TMPO: variants seen among roughly 807,000 people sequenced by gnomAD.
The protein encoded by TMPO is LEM domain containing 4.
A neutral mutation model predicts 45.4 loss-of-function variants in TMPO; 22 were observed. The ratio of observed to expected loss-of-function variants is 0.48; its 90% CI spans 0.35 to 0.69. The LOEUF is 0.69. Among genes scored for constraint, TMPO ranks in the 30% least tolerant of loss-of-function variants. TMPO has a pLI of 0.01. For synonymous variants in TMPO, 241 were observed against 204.1 expected, an observed-to-expected ratio of 1.18 and a Z score of -1.54; for missense variants, 512 against 548.8, an observed-to-expected ratio of 0.93 and a Z score of 0.67.
At position 98,519,891 on chromosome 12, in the gene TMPO, T is replaced by A. The variant is rs991691845; in HGVS notation, c.279+3745T>A. 9.8e-5 allele frequency among the ~76,000 whole-genome samples: 15 copies of A among 152,340 alleles called. 1 individual carries two copies. The highest frequency in any genetic ancestry group is 3.4e-3 in the Middle Eastern group (1 of 294). On this transcript the variant is annotated intron_variant, in intron 1 of 8. Transcript: ENST00000556029. Reference sequence around the variant, plus strand: ...CCTCTTATATGTACTATATTTTACGTTTTGGTCATTTTTAGCCCCATATAA... The same window carrying A: ...CCTCTTATATGTACTATATTTTACGATTTGGTCATTTTTAGCCCCATATAA...
At chr12:98,538,207 T>G (rs1385271828) in intron 4 of TMPO, among the ~76,000 whole-genome samples, 1 of 152,242 alleles carries the variant, frequency 6.6e-6, no homozygotes, top group Non-Finnish European at 1.5e-5. Context: ...TAGTATTGTT[T>G]ACAGAGAACA....
At chr12:98,532,741 C>T in intron 3 of TMPO, 1 of 1,605,526 alleles carries the variant, frequency 6.2e-7, no homozygotes, top group Non-Finnish European at 8.5e-7. Flanking sequence ...TTTGACAGCA[C>T]TATTTTTAGC....
At chr12:98,533,476 A>G in intron 3 of TMPO, 1 of 1,614,184 alleles carries the variant, frequency 6.2e-7, no homozygotes, top group Non-Finnish European at 8.5e-7. Context: ...GGATGTAGAA[A>G]ACATACAGAA....
At chr12:98,535,203 A>G in intron 3 of TMPO, 22 of 984,626 alleles carry the variant, frequency 2.2e-5, no homozygotes, top group Non-Finnish European at 2.7e-5. Flanking sequence ...TTAAAAAATA[A>G]TACTTTGCTT....
At position 98,515,824 on chromosome 12, in the gene TMPO, G is replaced by T; in HGVS notation, c.-44G>T. On this transcript the variant is annotated 5_prime_UTR_variant, in exon 1 of 9. Transcript: ENST00000556029. ...AGGAGCAAGCGCGCCGGCGTGAGCG[G>T]CGGCGGCAAAGGCTGTGGGGAGGGG... The T allele has an allele frequency of 6.3e-7, 1 of 1,583,586 alleles. No individual in the cohort carries two copies. Among genetic ancestry groups the T allele is most frequent in the Non-Finnish European group, 8.6e-7 (1 of 1,166,422 alleles).
At chr12:98,530,654 A>G (rs188153210) in intron 2 of TMPO, among the ~76,000 whole-genome samples, 207 of 152,370 alleles carry the variant, frequency 1.4e-3, no homozygotes, top group African/African-American at 1.3e-3. Context: ...TTTTAACTGC[A>G]AAGTTGTTAT....
At position 98,515,644 on chromosome 12, in the gene TMPO, T is replaced by C. The variant is rs1875716931; in HGVS notation, c.-224T>C. 1 of 857,160 alleles carries C rather than the reference T, an allele frequency of 1.2e-6. No homozygotes were observed. The highest frequency in any genetic ancestry group is 1.8e-6 in the Non-Finnish European group (1 of 567,496). The allele number at this position is 857,160 out of a possible 1,614,324, so 53.1% of individuals were successfully genotyped here. On this transcript the variant is annotated 5_prime_UTR_variant, in exon 1 of 9. Transcript: ENST00000556029. ...TGTGTGGGCTGGGGTTGGTGCGAGCTTCCAGCTTGGCCGCAGTTGGTTCGT... is the reference window on the plus strand; with the variant it reads ...TGTGTGGGCTGGGGTTGGTGCGAGCCTCCAGCTTGGCCGCAGTTGGTTCGT...
intron 7 of TMPO, 95 bp from the exon 8 acceptor site, chr12:98,546,264 A>T (rs1878220693): frequency 1.2e-6 from 1 of 854,198 alleles, no homozygotes; most frequent in Admixed American, 1.7e-5. Context: ...ATTTAAAGGC[A>T]TTTTGTTCTC....
chr12:98,524,664 A>G (rs1876630015), intron 1 of TMPO, among the ~76,000 whole-genome samples: 1 of 151,684 alleles, frequency 6.6e-6, no homozygotes, highest in Non-Finnish European at 1.5e-5. Flanking sequence ...CATGATGTCG[A>G]CTCACTGCAA....
chr12:98,538,497 C>G (rs905346833), intron 4 of TMPO, among the ~76,000 whole-genome samples: 4 of 152,116 alleles, frequency 2.6e-5, no homozygotes, highest in Admixed American at 2.6e-4. Flanking sequence ...GGATTACAGG[C>G]ACATGCCACC....
chr12:98,528,120 A>G (rs1331965805), intron 2 of TMPO, 108 bp downstream of exon 2: 2 of 1,288,814 alleles, frequency 1.6e-6, no homozygotes, highest in African/African-American at 2.9e-5. Context: ...GTTTGTCATT[A>G]ATCATTTGTT....
Position 98,549,442 on chromosome 12 carries a change from G to A in TMPO, c.*1584G>A, listed in dbSNP as rs143292209. ...TTCCCAAAGTGCTGGGATTACAGGT[G>A]TGATCCACTGCACCCGGCCGGCATT... On this transcript the variant is annotated 3_prime_UTR_variant, in exon 9 of 9. Coordinates refer to ENST00000556029, the MANE Select transcript of TMPO (RefSeq NM_001032283.3). 2.0e-4 allele frequency: 22 copies of A among 111,960 alleles called. 1 individual carries two copies. In the East Asian group the frequency reaches 6.8e-3, roughly 34 times the overall value. 6.9% of individuals were successfully genotyped at this position (111,960 alleles called of 1,614,324 possible).
chr12:98,546,966 T>TAAA (rs1235441340), intron 8 of TMPO, among the ~76,000 whole-genome samples: 1 of 152,232 alleles, frequency 6.6e-6, no homozygotes, highest in Admixed American at 6.5e-5. Flanking sequence ...AAAACTGTTT[T>TAAA]GTTTTTCCTC....
rs546301788 is a variant in TMPO at position 98,539,092 on chromosome 12, C to T, written c.663+1520C>T. Reference sequence around the variant, plus strand: ...GTGCATGCCTGTAATCCTAGCTACTCCGGAGGCTGAGGCAGGAGAATCGCT... The same window carrying T: ...GTGCATGCCTGTAATCCTAGCTACTTCGGAGGCTGAGGCAGGAGAATCGCT... On this transcript the variant is annotated intron_variant, in intron 4 of 8. Coordinates refer to ENST00000556029, the MANE Select transcript of TMPO (RefSeq NM_001032283.3). 4.0e-3 allele frequency among the ~76,000 whole-genome samples: 613 copies of T among 152,034 alleles called. 4 individuals carry two copies. The highest frequency in any genetic ancestry group is 5.6e-3 in the Admixed American group (86 of 15,276).
At chr12:98,527,688 T>G in intron 1 of TMPO, 198 bp from the exon 2 acceptor site, 1 of 584,122 alleles carries the variant, frequency 1.7e-6, no homozygotes, top group Non-Finnish European at 3.0e-6. Context: ...TGCTTGGCTG[T>G]GCGGTTTGTA....
chr12:98,536,820 A>G (rs1361476555), intron 3 of TMPO, among the ~76,000 whole-genome samples: 2 of 152,184 alleles, frequency 1.3e-5, no homozygotes, highest in Admixed American at 6.5e-5. Flanking sequence ...CTTTTCAAAG[A>G]AATGTTATTT....
chr12:98,532,192 G>A (rs932696917), intron 3 of TMPO: 1 of 191,640 alleles, frequency 5.2e-6, no homozygotes, highest in Admixed American at 5.5e-5. Flanking sequence ...TTCAATGCCT[G>A]TCTTTCAAGT....
intron 1 of TMPO, among the ~76,000 whole-genome samples, chr12:98,525,514 G>A (rs1379442106): frequency 6.6e-6 from 1 of 152,150 alleles, no homozygotes; most frequent in Non-Finnish European, 1.5e-5. Context: ...GCTCAGGCGG[G>A]CATAACATTT....
At chr12:98,533,142 T>G in intron 3 of TMPO, 1 of 1,614,188 alleles carries the variant, frequency 6.2e-7, no homozygotes, top group Non-Finnish European at 8.5e-7. Context: ...CTTCGTCATC[T>G]TCTCAGCCTG....
Sources: gnomAD v4.1 joint callset for allele counts (sites outside exome capture counted in the v4.1 genomes callset) on GRCh38, gnomAD v4.1.1 for gene constraint, MANE v1.5 for transcripts, NCBI Gene and HGNC (gene_info 2026-07-23, HGNC 2026-07-21) for gene names.